Variants in PTCD1 observed in about 807,000 individuals in gnomAD.
The protein encoded by PTCD1 is pentatricopeptide repeat-containing protein 1, mitochondrial.
A neutral mutation model predicts 53.4 loss-of-function variants in PTCD1; 50 were observed. The ratio of observed to expected loss-of-function variants is 0.94; its 90% CI spans 0.75 to 1.19. The LOEUF is 1.19. Ranked by LOEUF, PTCD1 falls within the 50% of genes most tolerant of loss-of-function variation. PTCD1 has a pLI of 0.00. For synonymous variants in PTCD1, 413 were observed against 394.8 expected, an observed-to-expected ratio of 1.05 and a Z score of -0.55; for missense variants, 918 against 904.8, an observed-to-expected ratio of 1.01 and a Z score of -0.19.
chr7:99,425,752 G>A, intron 5 of PTCD1, 136 bp from the exon 6 acceptor site: 1 of 1,220,916 alleles, frequency 8.2e-7, no homozygotes, highest in Admixed American at 2.0e-5. Flanking sequence ...GACAAGACCG[G>A]GCAACATAGC....
Position 99,429,585 on chromosome 7 carries a change from C to T in PTCD1, c.813+3G>A, listed in dbSNP as rs748616215. 189 of 1,614,094 alleles carry T rather than the reference C, an allele frequency of 1.2e-4. 3 individuals are homozygous for T. The East Asian group carries it at 4.2e-3, about 36-fold the overall frequency. On this transcript the variant is annotated splice_donor_region_variant and intron_variant, in intron 4 of 7. Coordinates refer to ENST00000292478, the MANE Select transcript of PTCD1 (RefSeq NM_015545.4). ...GGGAGCAGGACGGCAGGGGAAGCCC[C>T]ACCTTGAACACATCGAGGCACATCC...
chr7:99,419,928 G>A lies in PTCD1; in HGVS notation c.*39C>T, dbSNP rs367947255. The A allele has an allele frequency of 6.8e-6, 11 of 1,613,130 alleles. No homozygotes were observed. The highest frequency in any genetic ancestry group is 9.3e-6 in the Non-Finnish European group (11 of 1,179,994). On this transcript the variant is annotated 3_prime_UTR_variant, in exon 8 of 8. Coordinates refer to ENST00000292478, the MANE Select transcript of PTCD1 (RefSeq NM_015545.4). ...TCACTTGTCCTGGGGCTCCCACAGA[G>A]CACTGGGGGCCGAGCACATTGTTCC...
chr7:99,419,162 A>C lies in PTCD1; in HGVS notation c.*805T>G, dbSNP rs1040366072. Reference sequence around the variant, plus strand: ...TGGCAAACGTGTGTTGGATTTGCAGAACATATTATAAATAGACATACAGAT... The same window carrying C: ...TGGCAAACGTGTGTTGGATTTGCAGCACATATTATAAATAGACATACAGAT... On this transcript the variant is annotated 3_prime_UTR_variant, in exon 8 of 8. Coordinates refer to ENST00000292478, the MANE Select transcript of PTCD1 (RefSeq NM_015545.4). 1 of 571,308 alleles carries C rather than the reference A, an allele frequency of 1.8e-6. No individual in the cohort carries two copies. The highest frequency in any genetic ancestry group is 3.1e-6 in the Non-Finnish European group (1 of 319,616). 35.4% of individuals were successfully genotyped at this position (571,308 alleles called of 1,614,324 possible). A position where few individuals can be genotyped will look rare whatever the true frequency, so the allele number is the denominator to read the frequency against.
chr7:99,436,183 T>TCGG (rs1796459743), intron 1 of PTCD1, among the ~76,000 whole-genome samples: 2 of 151,982 alleles, frequency 1.3e-5, no homozygotes, highest in Non-Finnish European at 2.9e-5. Context: ...ACTCAAGCAA[T>TCGG]CCTCTCGCCT....
At chr7:99,438,442 G>T in intron 1 of PTCD1, 1 of 936,900 alleles carries the variant, frequency 1.1e-6, no homozygotes, top group Non-Finnish European at 1.3e-6. Context: ...TCCAGCCTGG[G>T]CCACAGAGCG....
intron 4 of PTCD1, 128 bp from the exon 5 acceptor site, chr7:99,429,332 C>A: frequency 1.6e-6 from 2 of 1,278,328 alleles, no homozygotes; most frequent in Non-Finnish European, 2.2e-6. Flanking sequence ...AGTTTTGTGA[C>A]CAGCCTGGGC....
At position 99,425,311 on chromosome 7, in the gene PTCD1, G is replaced by T. The variant is rs142582003; in HGVS notation, c.1221C>A (p.Pro407=). The change falls in exon 6 of 8, where the codon CCC becomes CCA. Residue 407 remains proline (P), a synonymous_variant. Coordinates refer to ENST00000292478, the MANE Select transcript of PTCD1 (RefSeq NM_015545.4). ...GPPEPPEARV[P]GKAQPEVDTK... Reference sequence around the variant, plus strand: ...TATCCACCTCTGGTTGGGCCTTGCCGGGCACTCTGGCTTCCGGAGGCTCTG... The same window carrying T: ...TATCCACCTCTGGTTGGGCCTTGCCTGGCACTCTGGCTTCCGGAGGCTCTG... 3.1e-6 allele frequency: 5 copies of T among 1,614,028 alleles called. No homozygotes were observed. Among genetic ancestry groups the T allele is most frequent in the Non-Finnish European group, 4.2e-6 (5 of 1,180,032 alleles).
chr7:99,429,560 G>GGGA (rs767712331), intron 4 of PTCD1, 28 bp downstream of exon 4: 1 of 1,614,110 alleles, frequency 6.2e-7, no homozygotes, highest in Admixed American at 1.7e-5. Flanking sequence ...CCCCATGAAG[G>GGGA]GGAGCAGGAC....
intron 5 of PTCD1, among the ~76,000 whole-genome samples, chr7:99,426,754 C>T (rs573616429): frequency 6.6e-6 from 1 of 151,958 alleles, no homozygotes; most frequent in African/African-American, 2.4e-5. Flanking sequence ...CGGCCGCCAT[C>T]CCATCTAGGA....
intron 6 of PTCD1, among the ~76,000 whole-genome samples, chr7:99,424,254 T>C (rs927797691): frequency 2.6e-5 from 4 of 152,170 alleles, no homozygotes; most frequent in Admixed American, 6.5e-5. Flanking sequence ...GGGCTTCCTG[T>C]GACGCACGGT....
At chr7:99,421,491 T>C (rs1795815668) in intron 7 of PTCD1, among the ~76,000 whole-genome samples, 1 of 143,080 alleles carries the variant, frequency 7.0e-6, no homozygotes, top group Non-Finnish European at 1.5e-5. Context: ...ACAACTATAA[T>C]CCCAGCACTT....
rs753386536 is a variant in PTCD1 at position 99,425,577 on chromosome 7, G to A, written c.955C>T (p.Arg319Trp). 1.5e-5 allele frequency: 24 copies of A among 1,611,350 alleles called. No homozygotes were observed. Among genetic ancestry groups the A allele is most frequent in the East Asian group, 8.9e-5 (4 of 44,868 alleles). ...ACCAACAGCAGGTTGTAGCTGTCCCGGCTCGGCTGTAGCCCTAGACTCAGC... is the reference window on the plus strand; with the variant it reads ...ACCAACAGCAGGTTGTAGCTGTCCCAGCTCGGCTGTAGCCCTAGACTCAGC... Reference protein sequence around the residue: ...LMLSLGLQPSRDSYNLLLVAA... With the variant: ...LMLSLGLQPSWDSYNLLLVAA... Residue 319 changes from arginine to tryptophan, a missense_variant, in exon 6 of 8, where the codon CGG becomes TGG. Physicochemically the swap from Arg to Trp is moderately radical, Grantham distance 101. Transcript: ENST00000292478.
chr7:99,433,794 C>T (rs184701693), intron 2 of PTCD1, among the ~76,000 whole-genome samples: 108 of 152,288 alleles, frequency 7.1e-4, no homozygotes, highest in Non-Finnish European at 4.1e-4. Context: ...TGGCTCACGC[C>T]TGTAATCCCA....
rs112768839 is a variant in PTCD1 at position 99,435,190 on chromosome 7, A to G, written c.53T>C (p.Leu18Pro). The change falls in exon 2 of 8, where the codon CTG becomes CCG. Residue 18 changes from leucine (L) to proline (P), a missense_variant. By Grantham distance (98) the Leu-to-Pro change is moderately conservative. Coordinates refer to ENST00000292478, the MANE Select transcript of PTCD1 (RefSeq NM_015545.4). ...GGGGTCCAGGTGTTGCAGGATGAAC[A>G]GTCCCATGGGGCGGGCCCTGGCGAA... ...RLFARARPMG[L>P]FILQHLDPCR... 1.1e-3 allele frequency: 1,839 copies of G among 1,605,184 alleles called. 23 individuals are homozygous for G. In the African/African-American group the frequency reaches 0.02, roughly 18 times the overall value.
chr7:99,438,248 T>C (rs1004449958), intron 1 of PTCD1, among the ~76,000 whole-genome samples: 2 of 151,814 alleles, frequency 1.3e-5, no homozygotes, highest in African/African-American at 2.4e-5. Context: ...CTGGGCAACA[T>C]AGCAAGACCC....
At chr7:99,432,968 G>A in intron 3 of PTCD1, 1 of 460,176 alleles carries the variant, frequency 2.2e-6, no homozygotes, top group East Asian at 4.4e-5. Context: ...AGGAACTCTT[G>A]AGCCAAGGAG....
chr7:99,427,630 CATG>C (rs2150953574), intron 5 of PTCD1, among the ~76,000 whole-genome samples: 1 of 152,288 alleles, frequency 6.6e-6, no homozygotes, highest in South Asian at 2.1e-4. Flanking sequence ...GAGAACGGGC[CATG>C]ATGACAGTGG....
Position 99,416,763 on chromosome 7 carries a change from C to G in PTCD1, c.*3204G>C, listed in dbSNP as rs1270697829. ...TGAAACAGGGTCTTGCTCTGTTCCA[C>G]AGGCTGGAGTGCAGTGGTGCAATGA... is the stretch of plus-strand genomic sequence containing the variant. On this transcript the variant is annotated 3_prime_UTR_variant, in exon 8 of 8. Transcript: ENST00000292478. The G allele has an allele frequency of 6.7e-6, 1 of 149,572 alleles. No individual in the cohort carries two copies. The highest frequency in any genetic ancestry group is 2.7e-5 in the African/African-American group (1 of 36,968). 9.3% of individuals were successfully genotyped at this position (149,572 alleles called of 1,614,324 possible).
Position 99,424,906 on chromosome 7 carries a change from C to A in PTCD1, c.1626G>T (p.Leu542=). The A allele has an allele frequency of 6.2e-7, 1 of 1,614,284 alleles. No individual in the cohort carries two copies. The highest frequency in any genetic ancestry group is 1.7e-5 in the Admixed American group (1 of 60,030). The change falls in exon 6 of 8, where the codon CTG becomes CTT. Residue 542 remains leucine (L), a synonymous_variant. Coordinates refer to ENST00000292478, the MANE Select transcript of PTCD1 (RefSeq NM_015545.4). ...GGCCCCTCTTTGCCAGGACCGGCAA[C>A]AGCGCCTTGGCCCCCTCCAGGTCTC... is the stretch of plus-strand genomic sequence containing the variant. ...KLGDLEGAKA[L]LPVLAKRGLV...
Sources: gnomAD v4.1 joint callset for allele counts (sites outside exome capture counted in the v4.1 genomes callset) on GRCh38, gnomAD v4.1.1 for gene constraint, MANE v1.5 for transcripts, NCBI Gene and HGNC (gene_info 2026-07-23, HGNC 2026-07-21) for gene names.